The following TMEM74 variants were observed in gnomAD, a reference collection of about 807,000 sequenced individuals.
TMEM74 encodes the protein transmembrane protein 74.
TMEM74 carries 13 observed loss-of-function variants against 18.1 expected under a neutral mutation model. The ratio of observed to expected loss-of-function variants is 0.72; its 90% CI spans 0.47 to 1.14. TMEM74 has a LOEUF of 1.14. TMEM74 is among the 50% of genes most tolerant of loss of function. The pLI is 0.00. For missense variants in TMEM74, 372 were observed against 375.9 expected (o/e 0.99, Z 0.09); for synonymous variants, 159 against 146.6 (o/e 1.08, Z -0.61).
intron 1 of TMEM74, among the ~76,000 whole-genome samples, chr8:108,708,920 C>T: frequency 6.7e-6 from 1 of 148,284 alleles, no homozygotes; most frequent in East Asian, 2.1e-4. Flanking sequence ...CACAGGTATA[C>T]TAAGGAAAAT....
intron 1 of TMEM74, among the ~76,000 whole-genome samples, chr8:108,657,659 A>G (rs1363395394): frequency 6.6e-6 from 1 of 151,318 alleles, no homozygotes; most frequent in South Asian, 2.1e-4. Context: ...TCTGGTCAAC[A>G]TGGTGAAACC....
intron 1 of TMEM74, among the ~76,000 whole-genome samples, chr8:108,740,524 ATAC>A (rs1813790177): frequency 1.3e-5 from 2 of 152,214 alleles, no homozygotes; most frequent in South Asian, 4.1e-4. Flanking sequence ...TGCTTCACAG[ATAC>A]TACATTTTTC....
rs143794212 is a variant in TMEM74, at chr8:108,786,219, C to T, written c.-39-1082G>A. ...ATTTTATAAACATGTCACTCCTCAC[C>T]CCCGACTGCAGCAAGGGGCATTTCT... On this transcript the variant is annotated intron_variant, in intron 1 of 1. Coordinates refer to ENST00000297459, the MANE Select transcript of TMEM74 (RefSeq NM_153015.3). 3.6e-3 allele frequency among the ~76,000 whole-genome samples: 545 copies of T among 152,278 alleles called. 3 individuals are homozygous for T. The highest frequency in any genetic ancestry group is 0.013 in the African/African-American group (521 of 41,546).
In TMEM74 at chr8:108,768,829, T is replaced by C. The variant is rs115085315; in HGVS notation, n.119+18647A>G. ...CTCAACTGCTGTCACCTTTGCCAAG[T>C]AGACCTCAGTAGAAGGGTAATTCCA... On this transcript the variant is annotated intron_variant and non_coding_transcript_variant, in intron 1 of 3. Transcript: ENST00000518838. Among the ~76,000 whole-genome samples, 368 of 152,304 alleles carry C rather than the reference T, an allele frequency of 2.4e-3. 3 individuals carry two copies. The highest frequency in any genetic ancestry group is 8.3e-3 in the African/African-American group (344 of 41,562).
intron 1 of TMEM74, among the ~76,000 whole-genome samples, chr8:108,768,021 T>A (rs1814129834): frequency 6.6e-6 from 1 of 152,126 alleles, no homozygotes; most frequent in Non-Finnish European, 1.5e-5. Context: ...AAACTCTGGA[T>A]CCCAATTTTG....
chr8:108,657,004 C>A (rs1434193423), intron 1 of TMEM74, among the ~76,000 whole-genome samples: 1 of 152,034 alleles, frequency 6.6e-6, no homozygotes, highest in African/African-American at 2.4e-5. Flanking sequence ...ATGTAAACCT[C>A]TTTTCTTTGT....
chr8:108,742,858 T>C (rs1813815132), intron 1 of TMEM74, among the ~76,000 whole-genome samples: 1 of 152,202 alleles, frequency 6.6e-6, no homozygotes, highest in African/African-American at 2.4e-5. Flanking sequence ...AAAGTGGAAG[T>C]GGGTTAGAAA....
chr8:108,615,936 G>A (rs988905990), intron 2 of TMEM74, among the ~76,000 whole-genome samples: 3 of 149,620 alleles, frequency 2.0e-5, no homozygotes, highest in Non-Finnish European at 4.4e-5. Context: ...ACAGGCACGT[G>A]CCACCACACC....
intron 2 of TMEM74, among the ~76,000 whole-genome samples, chr8:108,615,549 C>T (rs989897498): frequency 5.3e-5 from 8 of 152,090 alleles, no homozygotes; most frequent in Admixed American, 4.6e-4. Context: ...GGTGGCATTC[C>T]CCAGTAGGAG....
intron 1 of TMEM74, among the ~76,000 whole-genome samples, chr8:108,727,101 A>G (rs1348983711): frequency 6.6e-6 from 1 of 152,316 alleles, no homozygotes; most frequent in East Asian, 1.9e-4. Flanking sequence ...CTGAAGCAAA[A>G]TGAGCAAGAA....
At chr8:108,758,993 G>A (rs1166567949) in intron 1 of TMEM74, among the ~76,000 whole-genome samples, 2 of 152,032 alleles carry the variant, frequency 1.3e-5, no homozygotes, top group Non-Finnish European at 2.9e-5. Flanking sequence ...TTAAAGACAT[G>A]TGTCCAAATA....
At chr8:108,627,704 G>C (rs1812508388) in intron 2 of TMEM74, among the ~76,000 whole-genome samples, 1 of 151,904 alleles carries the variant, frequency 6.6e-6, no homozygotes, top group African/African-American at 2.4e-5. Flanking sequence ...TGAGAGACCA[G>C]AATTTTCACT....
At chr8:108,707,939 G>A (rs1269166088) in intron 1 of TMEM74, among the ~76,000 whole-genome samples, 1 of 152,186 alleles carries the variant, frequency 6.6e-6, no homozygotes, top group African/African-American at 2.4e-5. Context: ...GGTAAACTGT[G>A]TGTCATCGGT....
chr8:108,649,861 T>G (rs764662002), intron 2 of TMEM74, among the ~76,000 whole-genome samples: 3 of 152,176 alleles, frequency 2.0e-5, no homozygotes, highest in Admixed American at 6.6e-5. Flanking sequence ...TTTCACTAAA[T>G]GCGGGTTAAC....
chr8:108,659,937 C>T (rs916048975), intron 1 of TMEM74, among the ~76,000 whole-genome samples: 7 of 152,166 alleles, frequency 4.6e-5, no homozygotes, highest in African/African-American at 1.4e-4. Context: ...TTCAGGACAA[C>T]TTTGATGAGC....
chr8:108,622,132 C>A (rs1004204396), intron 2 of TMEM74, among the ~76,000 whole-genome samples: 2 of 151,926 alleles, frequency 1.3e-5, no homozygotes, highest in Admixed American at 6.6e-5. Flanking sequence ...AAGGGCAAAA[C>A]GAGAATAAGT....
chr8:108,749,505 C>G (rs1326606952), intron 1 of TMEM74, among the ~76,000 whole-genome samples: 1 of 152,074 alleles, frequency 6.6e-6, no homozygotes, highest in East Asian at 1.9e-4. Context: ...GATTTTATAT[C>G]CTGAGACTTT....
intron 2 of TMEM74, among the ~76,000 whole-genome samples, chr8:108,613,207 A>G (rs1043625617): frequency 6.6e-6 from 1 of 152,022 alleles, no homozygotes; most frequent in Non-Finnish European, 1.5e-5. Flanking sequence ...AGGACTGGGG[A>G]AAAAAAATTC....
chr8:108,629,172 A>C (rs892996063), intron 2 of TMEM74, among the ~76,000 whole-genome samples: 4 of 152,110 alleles, frequency 2.6e-5, no homozygotes, highest in Admixed American at 2.6e-4. Flanking sequence ...ACAGCACGAG[A>C]ACTTCATAAA....
Sources: gnomAD v4.1 joint callset for allele counts (sites outside exome capture counted in the v4.1 genomes callset) on GRCh38, gnomAD v4.1.1 for gene constraint, MANE v1.5 for transcripts, NCBI Gene and HGNC (gene_info 2026-07-23, HGNC 2026-07-21) for gene names.